The following EVA1A variants were observed in gnomAD, a reference collection of about 807,000 sequenced individuals.
The protein encoded by EVA1A is protein eva-1 homolog A.
Under a neutral mutation model 9.8 loss-of-function variants are expected in EVA1A, and 7 were observed. The observed-to-expected ratio is 0.71, with a 90% CI of 0.41 to 1.34. The LOEUF (loss-of-function observed/expected upper bound fraction) is 1.34. Among genes scored for constraint, EVA1A ranks in the 40% most tolerant of loss-of-function variants. The probability of loss-of-function intolerance (pLI) is 0.01; values close to 1 mark genes in which losing one functional copy is unlikely to be tolerated. For synonymous variants in EVA1A, 90 were observed against 85.6 expected (o/e 1.05, Z -0.28); for missense variants, 206 against 205.9 (o/e 1.00, Z 0.00).
chr2:75,501,175 C>T (rs757171792), intron 3 of EVA1A, among the ~76,000 whole-genome samples: 16 of 152,156 alleles, frequency 1.1e-4, no homozygotes, highest in Non-Finnish European at 2.4e-4. Context: ...ACACACCCTC[C>T]TCTTCATGTT....
At chr2:75,525,575 G>A (rs1675404692) in intron 1 of EVA1A, among the ~76,000 whole-genome samples, 1 of 152,180 alleles carries the variant, frequency 6.6e-6, no homozygotes, top group Non-Finnish European at 1.5e-5. Flanking sequence ...CTGCATTTGT[G>A]GTAGCTAACA....
intron 1 of EVA1A, among the ~76,000 whole-genome samples, chr2:75,553,573 G>A (rs974314498): frequency 6.6e-6 from 1 of 152,216 alleles, no homozygotes; most frequent in Non-Finnish European, 1.5e-5. Flanking sequence ...GTGTCAATAA[G>A]TGTTGGCAGC....
At chr2:75,511,098 T>C (rs1674796124) in intron 3 of EVA1A, among the ~76,000 whole-genome samples, 1 of 152,162 alleles carries the variant, frequency 6.6e-6, no homozygotes, top group Admixed American at 6.6e-5. Context: ...AAGCAGAAAT[T>C]AAATAGCACT....
At chr2:75,525,042 G>C (rs1450006816) in intron 1 of EVA1A, among the ~76,000 whole-genome samples, 1 of 151,708 alleles carries the variant, frequency 6.6e-6, no homozygotes, top group East Asian at 1.9e-4. Flanking sequence ...TATACAAAAT[G>C]CATATATATA....
chr2:75,514,187 C>T (rs1046134760), intron 3 of EVA1A, among the ~76,000 whole-genome samples: 11 of 152,084 alleles, frequency 7.2e-5, no homozygotes, highest in East Asian at 1.9e-4. Flanking sequence ...CTAAAGTGGA[C>T]GCCATACATT....
Position 75,493,090 on chromosome 2 carries a change from C to A in EVA1A, c.*146G>T. On this transcript the variant is annotated 3_prime_UTR_variant, in exon 4 of 4. Transcript: ENST00000393913. ...ATACATTTGGCCAAAAAGGAGCAAT[C>A]CTCCTGGCTAGAAAAGGGGCATGTC... The A allele has an allele frequency of 4.1e-6, 5 of 1,211,522 alleles. No homozygotes were observed. Among genetic ancestry groups the A allele is most frequent in the Non-Finnish European group, 5.7e-6 (5 of 872,328 alleles). The allele number at this position is 1,211,522 out of a possible 1,614,324, so 75.0% of individuals were successfully genotyped here. A position where few individuals can be genotyped will look rare whatever the true frequency, so the allele number is the denominator to read the frequency against.
chr2:75,500,060 A>G (rs1360469308), intron 3 of EVA1A, among the ~76,000 whole-genome samples: 2 of 152,176 alleles, frequency 1.3e-5, no homozygotes, highest in Non-Finnish European at 2.9e-5. Flanking sequence ...ATTTCGCTAA[A>G]GTCAAACCCT....
intron 3 of EVA1A, among the ~76,000 whole-genome samples, chr2:75,511,652 A>G (rs777629361): frequency 6.6e-6 from 1 of 152,144 alleles, no homozygotes; most frequent in Non-Finnish European, 1.5e-5. Context: ...TGATGGGTCA[A>G]GTTTGGGAAC....
upstream of EVA1A, among the ~76,000 whole-genome samples, chr2:75,564,348 T>C (rs1229099347): frequency 6.6e-6 from 1 of 152,208 alleles, no homozygotes; most frequent in Admixed American, 6.5e-5. Context: ...AACTAGGATC[T>C]GCAGCTCAGG....
intron 3 of EVA1A, among the ~76,000 whole-genome samples, chr2:75,497,850 CAAAA>C (rs33933086): frequency 4.5e-5 from 3 of 66,828 alleles, no homozygotes; most frequent in Non-Finnish European, 5.2e-5. Flanking sequence ...GATCCTGTCT[CAAAA>C]AAAAAAAAAA....
At position 75,541,157 on chromosome 2, in the gene EVA1A, A is replaced by G. The variant is rs188819734; in HGVS notation, c.-191-18670T>C. ...GGGGATGGACTGGGCCTTGCATACA[A>G]TAGAGCTGAGCCAACCTGCAGAGCT... On this transcript the variant is annotated intron_variant, in intron 1 of 3. Transcript: ENST00000393913. Among the ~76,000 whole-genome samples the G allele has an allele frequency of 1.1e-3, 174 of 152,316 alleles. 1 individual carries two copies. The highest frequency in any genetic ancestry group is 2.4e-3 in the Admixed American group (37 of 15,300).
chr2:75,513,909 T>A (rs886792853), intron 3 of EVA1A, among the ~76,000 whole-genome samples: 2 of 152,048 alleles, frequency 1.3e-5, no homozygotes, highest in African/African-American at 4.8e-5. Context: ...CAAGTTGAGG[T>A]TTTCATTTTT....
At chr2:75,567,991 T>C (rs1200664940) in intron 1 of EVA1A, among the ~76,000 whole-genome samples, 2 of 152,230 alleles carry the variant, frequency 1.3e-5, no homozygotes, top group African/African-American at 4.8e-5. Flanking sequence ...GTATTAACAA[T>C]ACAATACTCT....
Position 75,493,473 on chromosome 2 carries a change from G to A in EVA1A, c.222C>T (p.Asp74=), listed in dbSNP as rs1377304418. The A allele has an allele frequency of 1.9e-6, 3 of 1,614,092 alleles. No homozygotes were observed. Among genetic ancestry groups the A allele is most frequent in the Non-Finnish European group, 2.5e-6 (3 of 1,180,042 alleles). Residue 74 remains aspartate (D), a synonymous_variant, in exon 4 of 4, where the codon GAC becomes GAT. Transcript: ENST00000393913. ...RRRPGKKFLQ[D]RESSSDSSDS... is the part of the protein sequence containing the mutation. ...CGCTGCTGTCGCTGCTGCTCTCTCT[G>A]TCCTGCAGGAACTTCTTCCCGGGAC...
At chr2:75,499,361 C>T (rs979969977) in intron 3 of EVA1A, among the ~76,000 whole-genome samples, 1 of 152,082 alleles carries the variant, frequency 6.6e-6, no homozygotes, top group African/African-American at 2.4e-5. Flanking sequence ...CATGAGGCAC[C>T]ACTGGGGCAA....
At chr2:75,518,728 C>T (rs1265123266) in intron 2 of EVA1A, 13 of 986,698 alleles carry the variant, frequency 1.3e-5, no homozygotes, top group Middle Eastern at 5.2e-4. Context: ...TTCATCACTG[C>T]GTTTTAACTA....
At chr2:75,524,397 G>A (rs892407332) in intron 1 of EVA1A, among the ~76,000 whole-genome samples, 3 of 150,862 alleles carry the variant, frequency 2.0e-5, no homozygotes, top group Non-Finnish European at 4.4e-5. Flanking sequence ...TGCACAGCCT[G>A]GCTACTACAA....
chr2:75,551,511 C>T (rs1220394225), intron 1 of EVA1A, among the ~76,000 whole-genome samples: 2 of 152,222 alleles, frequency 1.3e-5, no homozygotes, highest in African/African-American at 2.4e-5. Flanking sequence ...ACATCCCCTT[C>T]CCTGTTGACT....
At chr2:75,498,247 C>T (rs2103776084) in intron 3 of EVA1A, among the ~76,000 whole-genome samples, 1 of 143,376 alleles carries the variant, frequency 7.0e-6, no homozygotes, top group East Asian at 2.1e-4. Context: ...TCAAATACTG[C>T]ATGTTGTCAC....
Sources: allele counts gnomAD v4.1 joint callset (sites outside exome capture counted in the v4.1 genomes callset), GRCh38; gene constraint gnomAD v4.1.1; transcripts MANE v1.5; gene names NCBI Gene and HGNC (gene_info 2026-07-23, HGNC 2026-07-21).